Variants in ERI2 observed in about 807,000 individuals in gnomAD.
ERI2 encodes ERI1 exoribonuclease family member 2.
A neutral mutation model predicts 46.8 loss-of-function variants in ERI2; 35 were observed. The ratio of observed to expected loss-of-function variants is 0.75; its 90% CI spans 0.57 to 0.99. ERI2 has a LOEUF of 0.99. ERI2 is among the 50% of genes least tolerant of loss of function. ERI2 has a pLI of 0.00. For missense variants in ERI2, 695 were observed against 796.2 expected (o/e 0.87, Z 1.53); for synonymous variants, 224 against 271.0 (o/e 0.83, Z 1.70).
At chr16:20,793,787 C>T (rs536215708), downstream of ERI2, among the ~76,000 whole-genome samples, 206 of 152,300 alleles carry the variant, frequency 1.4e-3, 1 homozygote, top group African/African-American at 4.8e-3. Context: ...CAAGGTTTCA[C>T]GAGTCTTAGC....
downstream of ERI2, chr16:20,792,673 T>C (rs776210972): frequency 4.6e-5 from 45 of 985,244 alleles, no homozygotes; most frequent in Non-Finnish European, 5.3e-5. Context: ...GATCAAATTG[T>C]TACCCAGAAG....
exon 11 of ERI2, chr16:20,780,405 T>C: frequency 1.9e-6 from 1 of 522,178 alleles, no homozygotes; most frequent in Non-Finnish European, 3.4e-6. Flanking sequence ...CACAGACTCC[T>C]TACTCTGCTG....
Position 20,799,991 on chromosome 16 carries a change from T to C in ERI2, c.609A>G (p.Glu203=). 6.2e-7 allele frequency: 1 copy of C among 1,606,610 alleles called. No homozygotes were observed. The highest frequency in any genetic ancestry group is 8.5e-7 in the Non-Finnish European group (1 of 1,174,882). ...CTCGTCCTGAGAATTCTATTCCTACTTCCTGCAAGGCACCACTTAGTCCTT... is the reference window on the plus strand; with the variant it reads ...CTCGTCCTGAGAATTCTATTCCTACCTCCTGCAAGGCACCACTTAGTCCTT... The part of the protein sequence containing the change: ...KPKGLSGALQ[E]VGIEFSGREH... Residue 203 remains glutamate, a synonymous_variant, in exon 7 of 9, where the codon GAA becomes GAG. Transcript: ENST00000357967.
rs1397106054 is a variant in ERI2 at position 20,781,008 on chromosome 16, T to C, written c.895-274A>G. ...AGATTTGACACCCTCAGATGTGATGTGGAATACCTCAGATACGGGCTGGGC... is the reference window on the plus strand; with the variant it reads ...AGATTTGACACCCTCAGATGTGATGCGGAATACCTCAGATACGGGCTGGGC... On this transcript the variant is annotated intron_variant, in intron 10 of 10. Transcript: ENST00000300005. The C allele has an allele frequency of 1.9e-6, 3 of 1,614,226 alleles. No homozygotes were observed. The highest frequency in any genetic ancestry group is 8.5e-7 in the Non-Finnish European group (1 of 1,180,048).
At chr16:20,802,739 A>G in intron 4 of ERI2, 57 bp downstream of exon 4, 5 of 1,552,478 alleles carry the variant, frequency 3.2e-6, no homozygotes, top group Non-Finnish European at 3.5e-6. Flanking sequence ...CAAATGGTAT[A>G]ATAACTTTTA....
chr16:20,797,700 T>C lies in ERI2; in HGVS notation c.*24A>G. 5.3e-6 allele frequency: 8 copies of C among 1,502,950 alleles called. No individual in the cohort carries two copies. The highest frequency in any genetic ancestry group is 6.2e-6 in the Non-Finnish European group (7 of 1,127,994). The allele number at this position is 1,502,950 out of a possible 1,614,324, so 93.1% of individuals were successfully genotyped here. A position where few individuals can be genotyped will look rare whatever the true frequency, so the allele number is the denominator to read the frequency against. On this transcript the variant is annotated 3_prime_UTR_variant, in exon 9 of 9. Transcript: ENST00000357967. ...TCATGTTTGGAAATTCAAGGAACAA[T>C]TAGGATTCATACATGAAAGGTTATC...
rs778470948 is a variant in ERI2 at position 20,798,284 on chromosome 16, A to AT, written c.1515dup (p.Ser506IlefsTer8). ...GCATTAACTCTGTTGAAGGTACTTG[A>AT]TTTGTGTTCAGGTAACTTAAAGGCA... On this transcript the variant is annotated frameshift_variant, in exon 9 of 9. Coordinates refer to ENST00000357967, the MANE Select transcript of ERI2 (RefSeq NM_001142725.2). LOFTEE classifies it high-confidence loss of function. 1 of 1,551,436 alleles carries AT rather than the reference A, an allele frequency of 6.4e-7. No individual in the cohort carries two copies. Among genetic ancestry groups the AT allele is most frequent in the Non-Finnish European group, 8.7e-7 (1 of 1,146,914 alleles).
At chr16:20,802,689 G>A in intron 4 of ERI2, 107 bp downstream of exon 4, 4 of 1,323,742 alleles carry the variant, frequency 3.0e-6, no homozygotes, top group Non-Finnish European at 4.0e-6. Flanking sequence ...TGGGATTACA[G>A]GCATAAGCCA....
chr16:20,798,847 TTTATA>T lies in ERI2; in HGVS notation c.948_952del (p.Asn316LysfsTer15). The T allele has an allele frequency of 1.3e-6, 2 of 1,550,896 alleles. No individual in the cohort carries two copies. Among genetic ancestry groups the T allele is most frequent in the East Asian group, 4.9e-5 (2 of 40,920 alleles). On this transcript the variant is annotated frameshift_variant, in exon 9 of 9. Coordinates refer to ENST00000357967, the MANE Select transcript of ERI2 (RefSeq NM_001142725.2). LOFTEE classifies it low-confidence loss of function (END_TRUNC). ...ACTTTTGACATTGTGAAGACTTGCTTTTATATTGTTTTTTACTTGTAATTGATCCT... is the reference window on the plus strand; with the variant it reads ...ACTTTTGACATTGTGAAGACTTGCTTTTGTTTTTTACTTGTAATTGATCCT...
chr16:20,791,283 AAAC>A lies in ERI2; in HGVS notation c.733-354_733-352del, dbSNP rs1268453200. 3.1e-4 allele frequency among the ~76,000 whole-genome samples: 47 copies of A among 152,360 alleles called. 1 individual carries two copies. Among genetic ancestry groups the A allele is most frequent in the African/African-American group, 1.0e-3 (42 of 41,590 alleles). On this transcript the variant is annotated intron_variant, in intron 8 of 10. Coordinates refer to the ERI2 transcript ENST00000300005. ...ACCAATTCTATTATTGTGTAAAACA[AAAC>A]AAAGCACAAAAACAAAACAAACCTG...
Position 20,798,143 on chromosome 16 carries a change from G to C in ERI2, c.1657C>G (p.His553Asp). The C allele has an allele frequency of 6.4e-7, 1 of 1,551,556 alleles. No individual in the cohort carries two copies. The highest frequency in any genetic ancestry group is 8.7e-7 in the Non-Finnish European group (1 of 1,146,912). The change falls in exon 9 of 9, where the codon CAT becomes GAT. Residue 553 changes from histidine to aspartate, a missense_variant. By Grantham distance (81) the His-to-Asp change is moderately conservative. Coordinates refer to ENST00000357967, the MANE Select transcript of ERI2 (RefSeq NM_001142725.2). ...PPAKKQPFTI[H>D]EEKPTSSDCS... ...TCAGATGATGTAGGCTTTTCTTCAT[G>C]AATAGTGAAGGGTTGTTTTTTTGCT...
chr16:20,799,138 T>C (rs1376623380), intron 8 of ERI2, 71 bp from the exon 9 acceptor site: 1 of 1,489,670 alleles, frequency 6.7e-7, no homozygotes, highest in Admixed American at 2.5e-5. Flanking sequence ...TATACAGTTT[T>C]ATGACAAAAA....
chr16:20,798,741 C>CAT lies in ERI2; in HGVS notation c.1057_1058dup (p.Met353IlefsTer44). The CAT allele has an allele frequency of 6.4e-7, 1 of 1,551,536 alleles. No homozygotes were observed. Among genetic ancestry groups the CAT allele is most frequent in the Non-Finnish European group, 8.7e-7 (1 of 1,146,880 alleles). ...GATGTTCATTTTTTCCTTGCTTTTG[C>CAT]ATATAGATAGGTGAATTCAAGGTAG... On this transcript the variant is annotated frameshift_variant, in exon 9 of 9. Transcript: ENST00000357967. LOFTEE classifies it high-confidence loss of function.
chr16:20,780,454 A>G (rs1230748375), exon 11 of ERI2: 4 of 659,644 alleles, frequency 6.1e-6, no homozygotes, highest in Non-Finnish European at 1.0e-5. Flanking sequence ...AAATGCTTCA[A>G]TCCTTCTTTA....
At chr16:20,795,119 GAC>G (rs1009644010), downstream of ERI2, among the ~76,000 whole-genome samples, 3 of 151,954 alleles carry the variant, frequency 2.0e-5, no homozygotes, top group African/African-American at 7.2e-5. Flanking sequence ...TATATCCATA[GAC>G]ACACACACAC....
At chr16:20,803,262 T>C (rs560927601) in intron 3 of ERI2, among the ~76,000 whole-genome samples, 171 bp downstream of exon 3, 1 of 152,362 alleles carries the variant, frequency 6.6e-6, no homozygotes, top group African/African-American at 2.4e-5. Context: ...TTTTATATAA[T>C]AACACATTTA....
chr16:20,806,224 G>A lies in ERI2; in HGVS notation c.23+184C>T, dbSNP rs566105969. On this transcript the variant is annotated intron_variant, in intron 1 of 8. Transcript: ENST00000357967. ...CACCCTCGGGTAGAAGGTGGCCCAAGGCTGAAGACCGAGGTCCAGGGAGGC... is the reference window on the plus strand; with the variant it reads ...CACCCTCGGGTAGAAGGTGGCCCAAAGCTGAAGACCGAGGTCCAGGGAGGC... 42 of 1,409,166 alleles carry A rather than the reference G, an allele frequency of 3.0e-5. No individual in the cohort carries two copies. The African/African-American group carries it at 5.0e-4, about 17-fold the overall frequency. The allele number at this position is 1,409,166 out of a possible 1,614,324, so 87.3% of individuals were successfully genotyped here. A position where few individuals can be genotyped will look rare whatever the true frequency, so the allele number is the denominator to read the frequency against.
At position 20,800,001 on chromosome 16, in the gene ERI2, G is replaced by GCAC. The variant is rs767676746; in HGVS notation, c.596_598dup (p.Gly199dup). ...GAATTCTATTCCTACTTCCTGCAAG[G>GCAC]CACCACTTAGTCCTTTTGGTTTTCT... On this transcript the variant is annotated inframe_insertion, in exon 7 of 9. Coordinates refer to ENST00000357967, the MANE Select transcript of ERI2 (RefSeq NM_001142725.2). 2 of 1,605,406 alleles carry GCAC rather than the reference G, an allele frequency of 1.2e-6. No individual in the cohort carries two copies. The highest frequency in any genetic ancestry group is 3.4e-5 in the Admixed American group (2 of 59,528).
At chr16:20,788,036 C>T (rs1326399692) in intron 10 of ERI2, among the ~76,000 whole-genome samples, 1 of 152,158 alleles carries the variant, frequency 6.6e-6, no homozygotes, top group Non-Finnish European at 1.5e-5. Context: ...ATGCTTAGTA[C>T]ATAATAAAGG....
Sources: gnomAD v4.1 joint callset for allele counts (sites outside exome capture counted in the v4.1 genomes callset) on GRCh38, gnomAD v4.1.1 for gene constraint, MANE v1.5 for transcripts, NCBI Gene and HGNC (gene_info 2026-07-23, HGNC 2026-07-21) for gene names.